Variants in PDE6A observed in about 807,000 individuals in gnomAD.
PDE6A encodes the protein rod cGMP-specific 3',5'-cyclic phosphodiesterase subunit alpha.
Under a neutral mutation model 106.3 loss-of-function variants are expected in PDE6A, and 84 were observed. The observed-to-expected ratio is 0.79, with a 90% confidence interval of 0.66 to 0.95. The LOEUF is 0.95. Among genes scored for constraint, PDE6A ranks in the 40% least tolerant of loss-of-function variants. PDE6A has a pLI of 0.00. For synonymous variants in PDE6A, 394 were observed against 386.6 expected (o/e 1.02, Z -0.23); for missense variants, 1,052 against 1,084.9 (o/e 0.97, Z 0.43).
chr5:149,897,230 A>G lies in PDE6A; in HGVS notation c.1408-454T>C, dbSNP rs968237665. On this transcript the variant is annotated intron_variant, in intron 10 of 21. Transcript: ENST00000255266. Reference sequence around the variant, plus strand: ...CTGGGAGTAAGGAGGCCTTGGACATAGTCCTAGTTCTTCCTCTCATTTACT... The same window carrying G: ...CTGGGAGTAAGGAGGCCTTGGACATGGTCCTAGTTCTTCCTCTCATTTACT... Among the ~76,000 whole-genome samples, 6 of 152,364 alleles carry G rather than the reference A, an allele frequency of 3.9e-5. No homozygotes were observed. In the South Asian group the frequency reaches 6.2e-4, roughly 16 times the overall value.
At chr5:149,938,540 C>A (rs538001953) in intron 1 of PDE6A, among the ~76,000 whole-genome samples, 5 of 152,054 alleles carry the variant, frequency 3.3e-5, no homozygotes, top group Non-Finnish European at 7.4e-5. Flanking sequence ...TGAATAAGAT[C>A]GACAGGGACA....
chr5:149,929,790 C>T (rs1753977072), intron 4 of PDE6A, among the ~76,000 whole-genome samples: 1 of 152,194 alleles, frequency 6.6e-6, no homozygotes, highest in South Asian at 2.1e-4. Context: ...ATGAAGGAGG[C>T]TGCTGAGGTG....
At chr5:149,899,647 T>C (rs548573386) in intron 8 of PDE6A, 123 bp from the exon 9 acceptor site, 26 of 954,778 alleles carry the variant, frequency 2.7e-5, no homozygotes, top group Middle Eastern at 2.1e-4. Context: ...ATGGAGTTCA[T>C]TGGATTTCGC....
intron 3 of PDE6A, among the ~76,000 whole-genome samples, chr5:149,932,875 G>T (rs1236278059): frequency 6.6e-6 from 1 of 152,236 alleles, no homozygotes; most frequent in Non-Finnish European, 1.5e-5. Flanking sequence ...CTCCCAGGGC[G>T]CTCAAGTGGG....
At chr5:149,873,430 C>G (rs1241005087) in intron 17 of PDE6A, among the ~76,000 whole-genome samples, 1 of 150,076 alleles carries the variant, frequency 6.7e-6, no homozygotes, top group Admixed American at 6.7e-5. Context: ...CTCTGGAGTT[C>G]AAACGATTCT....
intron 8 of PDE6A, among the ~76,000 whole-genome samples, chr5:149,902,532 A>C (rs1753015987): frequency 6.6e-6 from 1 of 151,970 alleles, no homozygotes; most frequent in Non-Finnish European, 1.5e-5. Context: ...GACAAAATCA[A>C]ATGGAAGGTC....
In PDE6A at chr5:149,863,279, G is replaced by T. The variant is rs1370721169; in HGVS notation, c.2359-13C>A. ...AACGGGAGAATTCCTAGAAGAGAGA[G>T]TATGTGCCTCTGGTGCAAGGGCCAG... On this transcript the variant is annotated splice_polypyrimidine_tract_variant and intron_variant, in intron 20 of 21. Transcript: ENST00000255266. This position sits in a 1 kb window ranked among gnomAD's most constrained non-coding sequence, Gnocchi z 4.7. The T allele has an allele frequency of 6.2e-7, 1 of 1,614,082 alleles. No homozygotes were observed. Among genetic ancestry groups the T allele is most frequent in the Admixed American group, 1.7e-5 (1 of 60,016 alleles).
rs770823436 is a variant in PDE6A at position 149,863,193 on chromosome 5, G to A, written c.2432C>T (p.Ala811Val). The change falls in exon 21 of 22, where the codon GCG becomes GTG. Residue 811 changes from alanine (A) to valine (V), a missense_variant. This residue lies in a region of PDE6A where 135 missense variants were observed against 153.2 expected (regional missense o/e 0.88). Coordinates refer to ENST00000255266, the MANE Select transcript of PDE6A (RefSeq NM_000440.3). The surrounding 1 kb of genome is among the most constrained non-coding windows in gnomAD (Gnocchi z 4.7). ...GITNNRKEWKALADEYDAKMK... is the reference protein window; with the variant it reads ...GITNNRKEWKVLADEYDAKMK... ...CTTGGCATCGTACTCATCAGCAAGC[G>A]CCTTCCACTCCTTGCGATTGTTGGT... 34 of 1,614,126 alleles carry A rather than the reference G, an allele frequency of 2.1e-5. No homozygotes were observed. The highest frequency in any genetic ancestry group is 8.8e-5 in the South Asian group (8 of 91,078).
chr5:149,928,231 A>ATATATATATATATTTTTT, intron 4 of PDE6A, among the ~76,000 whole-genome samples: 1 of 19,752 alleles, frequency 5.1e-5, no homozygotes, highest in African/African-American at 4.8e-4. Context: ...ATATATATAT[A>ATATATATATATATTTTTT]TTTTTTTTTT....
intron 20 of PDE6A, among the ~76,000 whole-genome samples, chr5:149,864,422 A>G (rs1197011283): frequency 6.6e-6 from 1 of 151,880 alleles, no homozygotes; most frequent in African/African-American, 2.4e-5. Flanking sequence ...TTTTGGATTT[A>G]GTAGAGATGG....
intron 5 of PDE6A, among the ~76,000 whole-genome samples, chr5:149,920,107 C>T (rs955286155): frequency 3.9e-5 from 6 of 152,048 alleles, no homozygotes; most frequent in African/African-American, 1.4e-4. Context: ...GCAGGAGGAT[C>T]ACTTGAGGCC....
intron 6 of PDE6A, among the ~76,000 whole-genome samples, chr5:149,909,217 G>A (rs1753295561): frequency 6.6e-6 from 1 of 152,088 alleles, no homozygotes; most frequent in Non-Finnish European, 1.5e-5. Flanking sequence ...CTGGAGTGCA[G>A]CAGAGCAAAC....
chr5:149,926,010 G>C (rs1753855934), intron 4 of PDE6A, among the ~76,000 whole-genome samples: 1 of 152,238 alleles, frequency 6.6e-6, no homozygotes, highest in African/African-American at 2.4e-5. Flanking sequence ...GAGAGGCCAA[G>C]GTGGGCAGAT....
intron 8 of PDE6A, among the ~76,000 whole-genome samples, chr5:149,901,585 T>C (rs1378848466): frequency 6.6e-6 from 1 of 152,146 alleles, no homozygotes; most frequent in Non-Finnish European, 1.5e-5. Context: ...GGCTACTTTA[T>C]GGAGTATGAG....
chr5:149,921,600 A>G (rs371269885), intron 5 of PDE6A, 35 bp downstream of exon 5: 2 of 1,535,992 alleles, frequency 1.3e-6, no homozygotes, highest in Non-Finnish European at 1.8e-6. Flanking sequence ...ATTTGAATAT[A>G]TTAAATCATA....
intron 16 of PDE6A, among the ~76,000 whole-genome samples, 194 bp downstream of exon 16, chr5:149,884,278 GTGTATAT>G (rs1761045950): frequency 2.2e-5 from 3 of 137,418 alleles, no homozygotes; most frequent in African/African-American, 8.4e-5. Context: ...ATGTATATAT[GTGTATAT>G]ATGTGTATAT....
chr5:149,883,769 T>C (rs1046865251), intron 16 of PDE6A, among the ~76,000 whole-genome samples: 1 of 152,244 alleles, frequency 6.6e-6, no homozygotes, highest in Admixed American at 6.5e-5. Flanking sequence ...TTCCCATCTG[T>C]ACAGCGGGGG....
At chr5:149,930,383 T>C (rs1753997888) in intron 4 of PDE6A, among the ~76,000 whole-genome samples, 1 of 152,228 alleles carries the variant, frequency 6.6e-6, no homozygotes, top group African/African-American at 2.4e-5. Context: ...GTTTTCAGGA[T>C]AGGAGATATT....
chr5:149,900,391 A>ATATATATATATG (rs1752928985), intron 8 of PDE6A, among the ~76,000 whole-genome samples: 1 of 136,224 alleles, frequency 7.3e-6, no homozygotes, highest in Non-Finnish European at 1.6e-5. Flanking sequence ...ATATATATAT[A>ATATATATATATG]TATATATCCG....
Sources: gnomAD v4.1 joint callset for allele counts (sites outside exome capture counted in the v4.1 genomes callset) on GRCh38, gnomAD v4.1.1 for gene constraint, gnomAD v4.1.1 regional missense constraint, Gnocchi (gnomAD v3.1) non-coding constraint, MANE v1.5 for transcripts, NCBI Gene and HGNC (gene_info 2026-07-23, HGNC 2026-07-21) for gene names.